The following PBRM1 variants were observed in gnomAD, a reference collection of about 807,000 sequenced individuals.
PBRM1 encodes the protein protein polybromo-1.
A neutral mutation model predicts 194.5 loss-of-function variants in PBRM1; 27 were observed. That is an observed-to-expected ratio of 0.14 (90% confidence interval 0.10 to 0.19). PBRM1 has a LOEUF of 0.19. PBRM1 is among the 10% of genes least tolerant of loss of function. The pLI, the probability that PBRM1 is intolerant of heterozygous loss-of-function variation, is 1.00. For missense variants in PBRM1, 1,466 were observed against 2,077.2 expected, an observed-to-expected ratio of 0.71 and a Z score of 5.72; for synonymous variants, 655 against 693.2, an observed-to-expected ratio of 0.94 and a Z score of 0.87.
chr3:52,681,728 A>G (rs887147305), upstream of PBRM1: 17 of 1,016,920 alleles, frequency 1.7e-5, no homozygotes, highest in African/African-American at 2.7e-4. Context: ...CGCCTCGAAA[A>G]GCCAGTCTCC....
At chr3:52,568,550 C>T (rs769961617) in intron 22 of PBRM1, among the ~76,000 whole-genome samples, 15 of 151,986 alleles carry the variant, frequency 9.9e-5, no homozygotes, top group Non-Finnish European at 1.9e-4. Flanking sequence ...AAATTTCTTT[C>T]TCATGGTTTC....
intron 2 of PBRM1, among the ~76,000 whole-genome samples, chr3:52,673,017 T>C (rs1488271216): frequency 6.6e-6 from 1 of 151,712 alleles, no homozygotes; most frequent in Non-Finnish European, 1.5e-5. Flanking sequence ...GACGGAGTTT[T>C]GCTCTTATTG....
At chr3:52,680,130 T>C (rs892631167), upstream of PBRM1, among the ~76,000 whole-genome samples, 1 of 152,180 alleles carries the variant, frequency 6.6e-6, no homozygotes, top group African/African-American at 2.4e-5. Context: ...TATCCACCTC[T>C]GGAGTCAGCA....
At chr3:52,561,412 C>T (rs181786256) in intron 25 of PBRM1, among the ~76,000 whole-genome samples, 6 of 152,056 alleles carry the variant, frequency 3.9e-5, no homozygotes, top group Non-Finnish European at 5.9e-5. Context: ...CCTTTTCAGA[C>T]GAATTTTAAT....
At chr3:52,650,929 A>T (rs2096473880) in intron 6 of PBRM1, among the ~76,000 whole-genome samples, 1 of 152,172 alleles carries the variant, frequency 6.6e-6, no homozygotes, top group African/African-American at 2.4e-5. Context: ...TCAGTCACAC[A>T]ATTAATATTT....
chr3:52,576,577 T>A (rs1575920780), exon 22 of PBRM1: 2 of 1,609,550 alleles, frequency 1.2e-6, no homozygotes, highest in Non-Finnish European at 8.5e-7. Flanking sequence ...TCTTCCAGAT[T>A]ACTCAGAAAT....
chr3:52,549,597 CA>C (rs777466534), intron 29 of PBRM1, among the ~76,000 whole-genome samples: 1 of 151,494 alleles, frequency 6.6e-6, no homozygotes, highest in African/African-American at 2.4e-5. Flanking sequence ...TGAAATTTGG[CA>C]AAAAAAACCA....
chr3:52,598,386 A>G (rs548335430), intron 17 of PBRM1, among the ~76,000 whole-genome samples: 2 of 152,124 alleles, frequency 1.3e-5, no homozygotes, highest in African/African-American at 4.8e-5. Context: ...CCTCTATTCC[A>G]CTTTCTGTCC....
intron 17 of PBRM1, among the ~76,000 whole-genome samples, chr3:52,591,184 G>A (rs912135165): frequency 5.3e-4 from 81 of 152,106 alleles, no homozygotes; most frequent in Middle Eastern, 3.2e-3. Flanking sequence ...ATTAGATATA[G>A]AATTAAGTCA....
chr3:52,560,594 T>C (rs937440341), intron 25 of PBRM1: 19 of 140,672 alleles, frequency 1.4e-4, no homozygotes, highest in African/African-American at 4.7e-4. Flanking sequence ...GAGAAAAGGT[T>C]AGCACTCCCC....
At chr3:52,679,601 T>C (rs2154065935) in exon 1 of PBRM1, 3 of 1,613,792 alleles carry the variant, frequency 1.9e-6, no homozygotes, top group Non-Finnish European at 2.5e-6. Context: ...GATTGGAAAG[T>C]CTCCTCCTTT....
At chr3:52,552,361 C>T (rs1575489174) in intron 27 of PBRM1, among the ~76,000 whole-genome samples, 1 of 152,302 alleles carries the variant, frequency 6.6e-6, no homozygotes, top group East Asian at 1.9e-4. Flanking sequence ...CAAAAGAGCT[C>T]AATGAATCCC....
In PBRM1 at chr3:52,655,039, C is replaced by T. The variant is rs889523902; in HGVS notation, c.645+3160G>A. On this transcript the variant is annotated intron_variant, in intron 5 of 29. Coordinates refer to ENST00000296302, the Ensembl canonical transcript of PBRM1. ...GGGATTACAGGTGTGGGTCACTACA[C>T]CTATCCTGTACTTCTTTTATAATTT... Among the ~76,000 whole-genome samples, 39 of 152,146 alleles carry T rather than the reference C, an allele frequency of 2.6e-4. No homozygotes were observed. In the South Asian group the frequency reaches 5.0e-3, roughly 19 times the overall value.
intron 5 of PBRM1, among the ~76,000 whole-genome samples, chr3:52,654,816 C>T (rs533346834): frequency 3.9e-4 from 60 of 152,148 alleles, no homozygotes; most frequent in African/African-American, 1.4e-3. Context: ...GAGACGGGGT[C>T]TCTTTCTGTT....
chr3:52,636,561 G>T (rs1184322194), intron 10 of PBRM1, among the ~76,000 whole-genome samples: 1 of 151,214 alleles, frequency 6.6e-6, no homozygotes, highest in Non-Finnish European at 1.5e-5. Context: ...TTCAAGACCA[G>T]CCTGGCCAAC....
chr3:52,664,051 C>T (rs2096778675), intron 3 of PBRM1, among the ~76,000 whole-genome samples: 1 of 144,940 alleles, frequency 6.9e-6, no homozygotes, highest in African/African-American at 2.6e-5. Context: ...CAAAGCCAGA[C>T]TCCGTCTCAA....
At chr3:52,566,156 T>C (rs1275406291) in intron 22 of PBRM1, among the ~76,000 whole-genome samples, 7 of 151,434 alleles carry the variant, frequency 4.6e-5, no homozygotes, top group Non-Finnish European at 1.5e-5. Context: ...CCCATTAAGA[T>C]GCCTGTATTA....
intron 2 of PBRM1, among the ~76,000 whole-genome samples, chr3:52,676,628 A>G (rs1460207581): frequency 1.3e-5 from 2 of 152,204 alleles, no homozygotes; most frequent in African/African-American, 4.8e-5. Flanking sequence ...TGATACCAGT[A>G]GAGTTGGGCG....
chr3:52,570,708 C>A (rs187854240), intron 22 of PBRM1, among the ~76,000 whole-genome samples: 1 of 152,106 alleles, frequency 6.6e-6, no homozygotes, highest in Admixed American at 6.5e-5. Flanking sequence ...GGAATTGGAA[C>A]GAACCAATAG....
Sources: gnomAD v4.1 joint callset for allele counts (sites outside exome capture counted in the v4.1 genomes callset) on GRCh38, gnomAD v4.1.1 for gene constraint, MANE v1.5 for transcripts, NCBI Gene and HGNC (gene_info 2026-07-23, HGNC 2026-07-21) for gene names.